The following NEURL1B variants were observed in gnomAD, a reference collection of about 807,000 sequenced individuals.
The protein encoded by NEURL1B is neuralized E3 ubiquitin protein ligase 1B, also known as E3 ubiquitin-protein ligase NEURL1B.
In NEURL1B, 13 loss-of-function variants were observed where a neutral mutation model predicts 37.4. The ratio of observed to expected loss-of-function variants is 0.35; its 90% CI spans 0.23 to 0.55. NEURL1B has a LOEUF of 0.55. Among genes scored for constraint, NEURL1B ranks in the 20% least tolerant of loss-of-function variants. The pLI is 0.89. For synonymous variants in NEURL1B, 432 were observed against 426.6 expected (o/e 1.01, Z -0.16); for missense variants, 790 against 879.2 (o/e 0.90, Z 1.28).
At chr5:172,656,942 G>C (rs948754285) in intron 1 of NEURL1B, among the ~76,000 whole-genome samples, 37 of 152,318 alleles carry the variant, frequency 2.4e-4, no homozygotes, top group Middle Eastern at 6.8e-3. Flanking sequence ...TGGGAACTCT[G>C]TTAAGTGGCC....
chr5:172,676,289 T>G lies in NEURL1B; in HGVS notation c.577+5959T>G, dbSNP rs1758231910. 2.0e-5 allele frequency among the ~76,000 whole-genome samples: 3 copies of G among 152,230 alleles called. 1 individual carries two copies. The South Asian group carries it at 6.2e-4, about 32-fold the overall frequency. ...TACTTGTCTGTCTTCATTTCTCATT[T>G]TGCCATCTTCTTTGGTGGCCTCATC... On this transcript the variant is annotated intron_variant, in intron 2 of 4. Transcript: ENST00000369800. This position sits in a 1 kb window ranked among gnomAD's most constrained non-coding sequence, Gnocchi z 4.5.
At chr5:172,684,453 G>T (rs1385029444) in intron 3 of NEURL1B, among the ~76,000 whole-genome samples, 1 of 152,134 alleles carries the variant, frequency 6.6e-6, no homozygotes, top group Non-Finnish European at 1.5e-5. Flanking sequence ...TAGGTAACCG[G>T]CTTATCTCCG....
At position 172,675,602 on chromosome 5, in the gene NEURL1B, TCTG is replaced by T. The variant is rs201333075; in HGVS notation, c.577+5274_577+5276del. Among the ~76,000 whole-genome samples the T allele has an allele frequency of 0.024, 3,469 of 142,298 alleles. 122 individuals carry two copies. Among genetic ancestry groups the T allele is most frequent in the African/African-American group, 0.081 (3,241 of 39,944 alleles). 93.4% of individuals were successfully genotyped at this position (142,298 alleles called of 152,430 possible). On this transcript the variant is annotated intron_variant, in intron 2 of 4. Transcript: ENST00000369800. This position sits in a 1 kb window ranked among gnomAD's most constrained non-coding sequence, Gnocchi z 4.7. Reference sequence around the variant, plus strand: ...GTTCCTGGAGCCAGGAGAGGAAGCTTCTGCCAGGCCATGCGCTCCCTTCCCTCC... The same window carrying T: ...GTTCCTGGAGCCAGGAGAGGAAGCTTCCAGGCCATGCGCTCCCTTCCCTCC...
intron 1 of NEURL1B, chr5:172,656,445 T>C: frequency 8.4e-7 from 1 of 1,195,970 alleles, no homozygotes; most frequent in Non-Finnish European, 1.2e-6. Flanking sequence ...GCAAAAGATG[T>C]TATGGCAGGG....
rs533681452 is a variant in NEURL1B, at chr5:172,689,536, A to G, written c.*2611A>G. The G allele has an allele frequency of 6.6e-6, 1 of 151,592 alleles. No individual in the cohort carries two copies. The highest frequency in any genetic ancestry group is 2.1e-4 in the South Asian group (1 of 4,762). 9.4% of individuals were successfully genotyped at this position (151,592 alleles called of 1,614,324 possible). ...CCAATCAGAGATGTTCACGTGTGAA[A>G]AAAAAACTGTGCTACTTACAATCTA... On this transcript the variant is annotated 3_prime_UTR_variant, in exon 5 of 5. Coordinates refer to ENST00000369800, the MANE Select transcript of NEURL1B (RefSeq NM_001142651.3).
At chr5:172,667,751 G>C (rs2113300348) in intron 1 of NEURL1B, among the ~76,000 whole-genome samples, 1 of 152,130 alleles carries the variant, frequency 6.6e-6, no homozygotes, top group African/African-American at 2.4e-5. Flanking sequence ...AGTGGCCTGA[G>C]CACTCCTACC....
chr5:172,650,703 T>G (rs1757644581), intron 1 of NEURL1B, among the ~76,000 whole-genome samples: 1 of 152,110 alleles, frequency 6.6e-6, no homozygotes, highest in South Asian at 2.1e-4. Context: ...TATAGAAGGG[T>G]ATGCCCTTAC....
At chr5:172,642,115 G>A (rs1038810533) in intron 1 of NEURL1B, among the ~76,000 whole-genome samples, 4 of 152,232 alleles carry the variant, frequency 2.6e-5, no homozygotes, top group Admixed American at 1.3e-4. Context: ...AGGCCTTACT[G>A]GAAAATACAT....
chr5:172,656,784 T>A, intron 1 of NEURL1B: 1 of 692,370 alleles, frequency 1.4e-6, no homozygotes, highest in Non-Finnish European at 2.5e-6. Flanking sequence ...CACTGACATA[T>A]TAATTCTTTG....
In NEURL1B at chr5:172,683,651, G is replaced by T. The variant is rs770388406; in HGVS notation, c.810G>T (p.Ala270=). Reference sequence around the variant, plus strand: ...GGCCCCGTGAGCGCCCGCGGCCCGCGTCGTCGCCGGCGCTACTGGAGGCCG... The same window carrying T: ...GGCCCCGTGAGCGCCCGCGGCCCGCTTCGTCGCCGGCGCTACTGGAGGCCG... ...PCGPRERPRP[A]SSPALLEADL... is the part of the protein sequence containing the mutation. The change falls in exon 3 of 5, where the codon GCG becomes GCT. Residue 270 remains alanine (A), a synonymous_variant. Transcript: ENST00000369800. This position sits in a 1 kb window ranked among gnomAD's most constrained non-coding sequence, Gnocchi z 5.6. 37 of 1,256,934 alleles carry T rather than the reference G, an allele frequency of 2.9e-5. 1 individual carries two copies. Among genetic ancestry groups the T allele is most frequent in the African/African-American group, 2.6e-4 (16 of 61,400 alleles). The allele number at this position is 1,256,934 out of a possible 1,614,324, so 77.9% of individuals were successfully genotyped here. A position where few individuals can be genotyped will look rare whatever the true frequency, so the allele number is the denominator to read the frequency against.
intron 1 of NEURL1B, among the ~76,000 whole-genome samples, chr5:172,651,831 A>T (rs56748821): frequency 0.013 from 1,922 of 152,344 alleles, 44 homozygotes; most frequent in African/African-American, 0.043. Flanking sequence ...TGGGACTCCA[A>T]TTGCATCTAA....
At position 172,657,939 on chromosome 5, in the gene NEURL1B, C is replaced by G. The variant is rs923883517; in HGVS notation, c.32-11846C>G. ...TAGGGAAAATCTTAAAGTGTTTGAT[C>G]TTTCTTATAAGTGCATAGAAGAAAA... On this transcript the variant is annotated intron_variant, in intron 1 of 4. Transcript: ENST00000369800. This position sits in a 1 kb window ranked among gnomAD's most constrained non-coding sequence, Gnocchi z 4.0. Among the ~76,000 whole-genome samples, 2 of 152,200 alleles carry G rather than the reference C, an allele frequency of 1.3e-5. No individual in the cohort carries two copies. The highest frequency in any genetic ancestry group is 4.8e-5 in the African/African-American group (2 of 41,442).
In NEURL1B at chr5:172,676,171, G is replaced by A. The variant is rs1758229638; in HGVS notation, c.577+5841G>A. On this transcript the variant is annotated intron_variant, in intron 2 of 4. Coordinates refer to ENST00000369800, the MANE Select transcript of NEURL1B (RefSeq NM_001142651.3). This position sits in a 1 kb window ranked among gnomAD's most constrained non-coding sequence, Gnocchi z 4.5. Reference sequence around the variant, plus strand: ...ACTTAAGGAAAAAAAAAAAAAAAGAGGAAGCATTAATGTCTCATGTGGCTG... The same window carrying A: ...ACTTAAGGAAAAAAAAAAAAAAAGAAGAAGCATTAATGTCTCATGTGGCTG... Among the ~76,000 whole-genome samples the A allele has an allele frequency of 6.6e-6, 1 of 151,950 alleles. No individual in the cohort carries two copies. The highest frequency in any genetic ancestry group is 2.1e-4 in the South Asian group (1 of 4,808).
At position 172,661,348 on chromosome 5, in the gene NEURL1B, G is replaced by A. The variant is rs1049381379; in HGVS notation, c.32-8437G>A. 3.9e-5 allele frequency among the ~76,000 whole-genome samples: 6 copies of A among 152,152 alleles called. No individual in the cohort carries two copies. Among genetic ancestry groups the A allele is most frequent in the Non-Finnish European group, 7.3e-5 (5 of 68,036 alleles). On this transcript the variant is annotated intron_variant, in intron 1 of 4. Transcript: ENST00000369800. The surrounding 1 kb of genome is among the most constrained non-coding windows in gnomAD (Gnocchi z 4.0). ...CATGGAGTCTGGGTATGTTTCTGGC[G>A]GGGAAGCCTCTATAGATTTTATTGC...
In NEURL1B at chr5:172,656,199, T is replaced by C. The variant is rs557783093; in HGVS notation, c.32-13586T>C. On this transcript the variant is annotated intron_variant, in intron 1 of 4. Coordinates refer to ENST00000369800, the MANE Select transcript of NEURL1B (RefSeq NM_001142651.3). Reference sequence around the variant, plus strand: ...GAGTCAGGGCAGAGCAGGTAGCAGGTAATCATAATGAGTTAGGGTAGAGCA... The same window carrying C: ...GAGTCAGGGCAGAGCAGGTAGCAGGCAATCATAATGAGTTAGGGTAGAGCA... Among the ~76,000 whole-genome samples the C allele has an allele frequency of 1.2e-4, 19 of 152,196 alleles. No homozygotes were observed. In the South Asian group the frequency reaches 3.9e-3, roughly 32 times the overall value.
chr5:172,670,376 T>C, intron 2 of NEURL1B, 46 bp downstream of exon 2: 1 of 1,314,238 alleles, frequency 7.6e-7, no homozygotes, highest in Non-Finnish European at 9.7e-7. Context: ...CAGCGGTGCC[T>C]TTGCGCGTGG....
At chr5:172,659,811 C>A (rs1757861593) in intron 1 of NEURL1B, among the ~76,000 whole-genome samples, 1 of 152,186 alleles carries the variant, frequency 6.6e-6, no homozygotes, top group Non-Finnish European at 1.5e-5. Context: ...ATCTCCAGGC[C>A]TTTGCTGGTG....
At chr5:172,653,077 G>A (rs903724818) in intron 1 of NEURL1B, among the ~76,000 whole-genome samples, 3 of 152,230 alleles carry the variant, frequency 2.0e-5, no homozygotes, top group South Asian at 2.1e-4. Context: ...GAACGTGATC[G>A]CCAGGTTGGT....
chr5:172,641,459 G>C lies in NEURL1B; in HGVS notation c.31+22G>C. The C allele has an allele frequency of 2.3e-6, 3 of 1,312,360 alleles. No homozygotes were observed. Among genetic ancestry groups the C allele is most frequent in the Non-Finnish European group, 2.9e-6 (3 of 1,031,994 alleles). The allele number at this position is 1,312,360 out of a possible 1,614,324, so 81.3% of individuals were successfully genotyped here. On this transcript the variant is annotated intron_variant, in intron 1 of 4. Transcript: ENST00000369800. The surrounding 1 kb of genome is among the most constrained non-coding windows in gnomAD (Gnocchi z 6.4). Reference sequence around the variant, plus strand: ...CCAGGTACGCCGGGGAGCCCTGCCCGGGAGGCGGGCGCCGGGCTTCTCTCC... The same window carrying C: ...CCAGGTACGCCGGGGAGCCCTGCCCCGGAGGCGGGCGCCGGGCTTCTCTCC...
Sources: gnomAD v4.1 joint callset for allele counts (sites outside exome capture counted in the v4.1 genomes callset) on GRCh38, gnomAD v4.1.1 for gene constraint, Gnocchi (gnomAD v3.1) non-coding constraint, MANE v1.5 for transcripts, NCBI Gene and HGNC (gene_info 2026-07-23, HGNC 2026-07-21) for gene names.